The following NT5DC1 variants were observed in gnomAD, a reference collection of about 807,000 sequenced individuals.
NT5DC1 encodes 5'-nucleotidase domain containing 1.
A neutral mutation model predicts 59.4 loss-of-function variants in NT5DC1; 42 were observed. The observed-to-expected ratio is 0.71, with a 90% CI of 0.55 to 0.92. NT5DC1 has a LOEUF of 0.92. Ranked by LOEUF, NT5DC1 falls within the 40% of genes least tolerant of loss-of-function variation. The pLI, the probability that NT5DC1 is intolerant of heterozygous loss-of-function variation, is 0.00. For missense variants in NT5DC1, 501 were observed against 537.1 expected, an observed-to-expected ratio of 0.93 and a Z score of 0.66; for synonymous variants, 172 against 188.1, an observed-to-expected ratio of 0.91 and a Z score of 0.70.
intron 6 of NT5DC1, among the ~76,000 whole-genome samples, chr6:116,214,268 C>A (rs1257428349): frequency 6.6e-5 from 10 of 151,942 alleles, no homozygotes; most frequent in African/African-American, 2.4e-4. Flanking sequence ...TAAAACAGTT[C>A]ATCAGGTCTT....
chr6:116,141,105 G>A (rs1372195135), intron 6 of NT5DC1, among the ~76,000 whole-genome samples: 2 of 152,098 alleles, frequency 1.3e-5, no homozygotes, highest in African/African-American at 2.4e-5. Context: ...TAAACTTCAA[G>A]GTTTGCCAAC....
At chr6:116,137,551 T>G (rs28398393) in intron 6 of NT5DC1, 5 of 214,084 alleles carry the variant, frequency 2.3e-5, no homozygotes, top group African/African-American at 4.6e-5. Context: ...ATTACATGGG[T>G]CTCCTCTTTA....
In NT5DC1 at chr6:116,100,856, G is replaced by A. The variant is rs1778624303; in HGVS notation, c.-75G>A. ...GCCCCGCCGCGTCCGGCCCGGTCCT[G>A]TCCCGCAGCGTCCCGCCAGCCAGCT... On this transcript the variant is annotated 5_prime_UTR_variant, in exon 1 of 12. Coordinates refer to ENST00000319550, the MANE Select transcript of NT5DC1 (RefSeq NM_152729.3). The A allele has an allele frequency of 1.7e-6, 2 of 1,188,952 alleles. No homozygotes were observed. Among genetic ancestry groups the A allele is most frequent in the Non-Finnish European group, 1.2e-6 (1 of 851,856 alleles). The allele number at this position is 1,188,952 out of a possible 1,614,324, so 73.7% of individuals were successfully genotyped here.
chr6:116,122,062 A>G (rs1439099573), intron 6 of NT5DC1: 1 of 1,007,222 alleles, frequency 9.9e-7, no homozygotes. Context: ...ACGATATTTC[A>G]GCATCATTTA....
At chr6:116,214,547 G>T (rs1314031178) in intron 6 of NT5DC1, among the ~76,000 whole-genome samples, 1 of 152,046 alleles carries the variant, frequency 6.6e-6, no homozygotes, top group Admixed American at 6.6e-5. Flanking sequence ...TGGACTGTCA[G>T]TTGACCTGAG....
rs1056579999 is a variant in NT5DC1 at position 116,166,137 on chromosome 6, C to T, written c.529+48192C>T. On this transcript the variant is annotated intron_variant, in intron 6 of 11. Transcript: ENST00000319550. Reference sequence around the variant, plus strand: ...GAAGCACCCCAACCTACCCTTCAGGCGGGATTCAGAGGTTCTCGGGAGTCA... The same window carrying T: ...GAAGCACCCCAACCTACCCTTCAGGTGGGATTCAGAGGTTCTCGGGAGTCA... Among the ~76,000 whole-genome samples the T allele has an allele frequency of 3.3e-5, 5 of 152,038 alleles. No homozygotes were observed. The South Asian group carries it at 8.3e-4, about 25-fold the overall frequency.
At chr6:116,231,031 A>T (rs1271914865) in intron 8 of NT5DC1, among the ~76,000 whole-genome samples, 1 of 147,058 alleles carries the variant, frequency 6.8e-6, no homozygotes, top group Non-Finnish European at 1.5e-5. Flanking sequence ...GCTTGAACCC[A>T]GGAGGCAGAG....
chr6:116,176,622 C>T (rs1404877631), intron 6 of NT5DC1, among the ~76,000 whole-genome samples: 1 of 152,192 alleles, frequency 6.6e-6, no homozygotes, highest in Non-Finnish European at 1.5e-5. Context: ...AGGCCCAAAG[C>T]AGTCTTGTGC....
chr6:116,226,489 A>G (rs1406499001), intron 8 of NT5DC1, among the ~76,000 whole-genome samples: 1 of 151,996 alleles, frequency 6.6e-6, no homozygotes, highest in Non-Finnish European at 1.5e-5. Context: ...GTTTTTCTCT[A>G]TTTAATTGAG....
chr6:116,129,666 G>T (rs939113504), intron 6 of NT5DC1, among the ~76,000 whole-genome samples: 2 of 152,134 alleles, frequency 1.3e-5, no homozygotes, highest in African/African-American at 2.4e-5. Context: ...ACTGTGTGCC[G>T]AATAAAGCTC....
At position 116,238,196 on chromosome 6, in the gene NT5DC1, T is replaced by C; in HGVS notation, c.931T>C (p.Phe311Leu). 6.2e-7 allele frequency: 1 copy of C among 1,609,200 alleles called. No homozygotes were observed. Among genetic ancestry groups the C allele is most frequent in the Non-Finnish European group, 8.5e-7 (1 of 1,177,562 alleles). ...GCTATCTGTCTTACAGGTTGTTTATTTTGGTGACAGCATGCATTCAGATAT... is the reference window on the plus strand; with the variant it reads ...GCTATCTGTCTTACAGGTTGTTTATCTTGGTGACAGCATGCATTCAGATAT... ...TGKPEPKVVYFGDSMHSDIFP... is the reference protein window; with the variant it reads ...TGKPEPKVVYLGDSMHSDIFP... The change falls in exon 10 of 12, where the codon TTT becomes CTT. Residue 311 changes from phenylalanine to leucine, a missense_variant. Physicochemically the swap from Phe to Leu is conservative, Grantham distance 22. Transcript: ENST00000319550.
At chr6:116,132,623 A>G (rs1400684289) in intron 6 of NT5DC1, among the ~76,000 whole-genome samples, 1 of 152,120 alleles carries the variant, frequency 6.6e-6, no homozygotes, top group Non-Finnish European at 1.5e-5. Context: ...TTTATTATGC[A>G]CATCCCCTGG....
At chr6:116,214,272 A>G (rs1781645703) in intron 6 of NT5DC1, among the ~76,000 whole-genome samples, 1 of 152,124 alleles carries the variant, frequency 6.6e-6, no homozygotes, top group Admixed American at 6.5e-5. Context: ...ACAGTTCATC[A>G]GGTCTTTATT....
At chr6:116,167,206 ATTTTTTTTTTTTTT>A (rs61348980) in intron 6 of NT5DC1, among the ~76,000 whole-genome samples, 38 of 87,816 alleles carry the variant, frequency 4.3e-4, no homozygotes, top group African/African-American at 1.9e-3. Context: ...CAAATAGAAG[ATTTTTTTTTTTTTT>A]TTTTTTTTTT....
chr6:116,233,418 A>G (rs971263759), intron 8 of NT5DC1, among the ~76,000 whole-genome samples: 1 of 152,208 alleles, frequency 6.6e-6, no homozygotes, highest in African/African-American at 2.4e-5. Flanking sequence ...TGAGCCTTAT[A>G]TAAAGATGCC....
intron 8 of NT5DC1, among the ~76,000 whole-genome samples, chr6:116,234,193 C>G (rs1336302852): frequency 1.3e-5 from 2 of 151,990 alleles, no homozygotes; most frequent in East Asian, 3.9e-4. Flanking sequence ...AACTCCTGAC[C>G]TCGTGATCCA....
intron 6 of NT5DC1, among the ~76,000 whole-genome samples, chr6:116,205,144 A>G (rs570190523): frequency 6.6e-6 from 1 of 152,028 alleles, no homozygotes; most frequent in South Asian, 2.1e-4. Flanking sequence ...CCCCTTCCTC[A>G]TCCCTCTTTT....
At chr6:116,133,202 T>C (rs1291888312) in intron 6 of NT5DC1, among the ~76,000 whole-genome samples, 4 of 152,210 alleles carry the variant, frequency 2.6e-5, no homozygotes, top group Non-Finnish European at 4.4e-5. Context: ...GTTAAAAATA[T>C]AGAATGTCTT....
intron 6 of NT5DC1, chr6:116,121,050 C>G (rs1453913465): frequency 1.9e-6 from 3 of 1,614,094 alleles, no homozygotes; most frequent in Non-Finnish European, 2.5e-6. Flanking sequence ...CCTGGGAGAC[C>G]ATGGCTACCC....
Sources: allele counts gnomAD v4.1 joint callset (sites outside exome capture counted in the v4.1 genomes callset), GRCh38; gene constraint gnomAD v4.1.1; transcripts MANE v1.5; gene names NCBI Gene and HGNC (gene_info 2026-07-23, HGNC 2026-07-21).